The following VWA7 variants were observed in gnomAD, a reference collection of about 807,000 sequenced individuals.
VWA7 encodes von Willebrand factor A domain containing 7, also known as von Willebrand factor A domain-containing protein 7.
In VWA7, 66 loss-of-function variants were observed where a neutral mutation model predicts 83.1. The ratio of observed to expected loss-of-function variants is 0.79; its 90% CI spans 0.65 to 0.98. The LOEUF (loss-of-function observed/expected upper bound fraction) is 0.98. VWA7 is among the 50% of genes least tolerant of loss of function. The pLI is 0.00. For missense variants in VWA7, 1,080 were observed against 1,160.2 expected (o/e 0.93, Z 1.00); for synonymous variants, 424 against 488.5 (o/e 0.87, Z 1.74).
At position 31,766,255 on chromosome 6, in the gene VWA7, T is replaced by C. The variant is rs1458253149; in HGVS notation, c.2314A>G (p.Asn772Asp). The C allele has an allele frequency of 6.2e-7, 1 of 1,612,136 alleles. No individual in the cohort carries two copies. Among genetic ancestry groups the C allele is most frequent in the Non-Finnish European group, 8.5e-7 (1 of 1,179,916 alleles). ...GTTCATGAGCCTCACCTGGAGAGGT[T>C]GGAGGTGAGGGAGAAGCTGGGGTTG... ...FVNPSFSLTS[N>D]LSRAHLELNE... The change falls in exon 15 of 17, where the codon AAC becomes GAC. Residue 772 changes from asparagine to aspartate, a missense_variant. Physicochemically the swap from Asn to Asp is conservative, Grantham distance 23. Coordinates refer to ENST00000375688, the MANE Select transcript of VWA7 (RefSeq NM_025258.3). The surrounding 1 kb of genome is among the most constrained non-coding windows in gnomAD (Gnocchi z 4.9).
rs745602650 is a variant in VWA7 at position 31,776,537 on chromosome 6, G to A, written c.234+9C>T. On this transcript the variant is annotated intron_variant, in intron 2 of 16. Coordinates refer to ENST00000375688, the MANE Select transcript of VWA7 (RefSeq NM_025258.3). The surrounding 1 kb of genome is among the most constrained non-coding windows in gnomAD (Gnocchi z 6.2). ...TGGCAGGGGTGTGACAGGACCCTGG[G>A]ATGCTCACCAGGAAGTCCTCAAGAC... The A allele has an allele frequency of 1.3e-6, 2 of 1,541,350 alleles. No homozygotes were observed. Among genetic ancestry groups the A allele is most frequent in the South Asian group, 1.2e-5 (1 of 83,250 alleles).
In VWA7 at chr6:31,769,605, G is replaced by A; in HGVS notation, c.1317+70C>T. The A allele has an allele frequency of 7.1e-7, 1 of 1,408,816 alleles. No homozygotes were observed. The highest frequency in any genetic ancestry group is 1.0e-6 in the Non-Finnish European group (1 of 998,562). 87.3% of individuals were successfully genotyped at this position (1,408,816 alleles called of 1,614,324 possible). A position where few individuals can be genotyped will look rare whatever the true frequency, so the allele number is the denominator to read the frequency against. ...CATAGTGTGGTGCAACCCTCGTTAT[G>A]AGATTGTCATCACAGGGTCTCTCAC... is the stretch of plus-strand genomic sequence containing the variant. On this transcript the variant is annotated intron_variant, in intron 9 of 16. Coordinates refer to ENST00000375688, the MANE Select transcript of VWA7 (RefSeq NM_025258.3). The surrounding 1 kb of genome is among the most constrained non-coding windows in gnomAD (Gnocchi z 4.5).
intron 7 of VWA7, 75 bp from the exon 8 acceptor site, chr6:31,770,188 T>G: frequency 8.3e-7 from 1 of 1,197,830 alleles, no homozygotes; most frequent in Non-Finnish European, 1.2e-6. Flanking sequence ...ACCTCCCCAG[T>G]TGAGGGGCCT....
intron 7 of VWA7, among the ~76,000 whole-genome samples, chr6:31,772,489 C>T (rs1812270513): frequency 6.6e-6 from 1 of 150,984 alleles, no homozygotes; most frequent in Admixed American, 6.6e-5. Context: ...TAGAGGCTCA[C>T]TCGGGACTAC....
Position 31,770,043 on chromosome 6 carries a change from C to T in VWA7, c.1158G>A (p.Leu386=). The T allele has an allele frequency of 6.2e-7, 1 of 1,612,854 alleles. No individual in the cohort carries two copies. The highest frequency in any genetic ancestry group is 8.5e-7 in the Non-Finnish European group (1 of 1,179,988). ...ACATCTCAGGCTCGTCTCCACCCCC[C>T]AAGGCATGGATCTCATTAAGCTGTT... ...FWQQLNEIHA[L]GGGDEPEMCL... The change falls in exon 8 of 17, where the codon TTG becomes TTA. Residue 386 remains leucine (L), a synonymous_variant. Transcript: ENST00000375688.
rs922099693 is a variant in VWA7 at position 31,775,828 on chromosome 6, C to T, written c.513+136G>A. 115 of 1,394,118 alleles carry T rather than the reference C, an allele frequency of 8.2e-5. 1 individual carries two copies. The highest frequency in any genetic ancestry group is 1.5e-4 in the South Asian group (11 of 72,000). The allele number at this position is 1,394,118 out of a possible 1,614,324, so 86.4% of individuals were successfully genotyped here. A position where few individuals can be genotyped will look rare whatever the true frequency, so the allele number is the denominator to read the frequency against. ...GAGGTGGGGAACTGGGACACAGCCT[C>T]GGGGCACCGCGTGCCAGTGCCCACC... On this transcript the variant is annotated intron_variant, in intron 3 of 16. Transcript: ENST00000375688. The surrounding 1 kb of genome is among the most constrained non-coding windows in gnomAD (Gnocchi z 5.9).
Position 31,769,842 on chromosome 6 carries a change from G to C in VWA7, c.1201-51C>G. 1.9e-6 allele frequency: 3 copies of C among 1,559,490 alleles called. No homozygotes were observed. Among genetic ancestry groups the C allele is most frequent in the Non-Finnish European group, 2.7e-6 (3 of 1,131,820 alleles). On this transcript the variant is annotated intron_variant, in intron 8 of 16. Transcript: ENST00000375688. This position sits in a 1 kb window ranked among gnomAD's most constrained non-coding sequence, Gnocchi z 4.5. ...TTAACAATGGCAGTAGGAGGGGAAT[G>C]GGTAGAGCCACGGAGGATGAAGCAG...
rs1011019071 is a variant in VWA7, at chr6:31,775,885, G to A, written c.513+79C>T. On this transcript the variant is annotated intron_variant, in intron 3 of 16. Coordinates refer to ENST00000375688, the MANE Select transcript of VWA7 (RefSeq NM_025258.3). The surrounding 1 kb of genome is among the most constrained non-coding windows in gnomAD (Gnocchi z 5.9). Reference sequence around the variant, plus strand: ...AGAGTGGAGGAGACATGATCAAGAAGGCACCATAGGACGCGCTCCATCCCG... The same window carrying A: ...AGAGTGGAGGAGACATGATCAAGAAAGCACCATAGGACGCGCTCCATCCCG... The A allele has an allele frequency of 1.3e-5, 19 of 1,519,728 alleles. 1 individual carries two copies. The highest frequency in any genetic ancestry group is 5.0e-4 in the Middle Eastern group (2 of 4,026). The allele number at this position is 1,519,728 out of a possible 1,614,324, so 94.1% of individuals were successfully genotyped here.
rs551318892 is a variant in VWA7, at chr6:31,773,714, G to A, written c.722-277C>T. Among the ~76,000 whole-genome samples, 36 of 152,266 alleles carry A rather than the reference G, an allele frequency of 2.4e-4. No homozygotes were observed. The highest frequency in any genetic ancestry group is 6.8e-3 in the Middle Eastern group (2 of 294). On this transcript the variant is annotated intron_variant, in intron 5 of 16. Transcript: ENST00000375688. This position sits in a 1 kb window ranked among gnomAD's most constrained non-coding sequence, Gnocchi z 5.3. ...CTATAAAAATTAGCCAGGTGTGGTG[G>A]CGCGTGCTTGTAATCCCAGCTACTT...
chr6:31,767,968 TAA>T (rs34176746), intron 10 of VWA7, among the ~76,000 whole-genome samples: 26 of 141,120 alleles, frequency 1.8e-4, no homozygotes, highest in Admixed American at 7.1e-5. Context: ...ACATCTCTAC[TAA>T]AAAAAAAAAA....
chr6:31,774,707 TCTC>T lies in VWA7; in HGVS notation c.611-84_611-82del, dbSNP rs1041404603. ...CCCACCCACCCAAACCTTTTCAGCT[TCTC>T]CTCCCAGCTGGGATGAGGCGAACAC... is the stretch of plus-strand genomic sequence containing the variant. On this transcript the variant is annotated intron_variant, in intron 4 of 16. Transcript: ENST00000375688. The T allele has an allele frequency of 1.0e-5, 12 of 1,204,436 alleles. No individual in the cohort carries two copies. In the African/African-American group the frequency reaches 1.5e-4, roughly 15 times the overall value. The allele number at this position is 1,204,436 out of a possible 1,614,324, so 74.6% of individuals were successfully genotyped here. A position where few individuals can be genotyped will look rare whatever the true frequency, so the allele number is the denominator to read the frequency against.
In VWA7 at chr6:31,770,127, A is replaced by AG. The variant is rs754294052; in HGVS notation, c.1088-15dup. 1.2e-5 allele frequency: 20 copies of AG among 1,608,180 alleles called. No homozygotes were observed. The highest frequency in any genetic ancestry group is 1.7e-5 in the Non-Finnish European group (20 of 1,175,986). ...CAGGGCCGAACCCTGGGAAGGGGAA[A>AG]GGAGGTTAAGATAAGTGAGGAAAGA... On this transcript the variant is annotated splice_polypyrimidine_tract_variant and intron_variant, in intron 7 of 16. Coordinates refer to ENST00000375688, the MANE Select transcript of VWA7 (RefSeq NM_025258.3).
chr6:31,765,928 C>A lies in VWA7; in HGVS notation c.2454G>T (p.Pro818=). 3 of 1,613,098 alleles carry A rather than the reference C, an allele frequency of 1.9e-6. No homozygotes were observed. Among genetic ancestry groups the A allele is most frequent in the Non-Finnish European group, 2.5e-6 (3 of 1,180,034 alleles). The part of the protein sequence containing the change: ...AGGREANPVP[P]THAFLRLLVS... The stretch of plus-strand genomic sequence containing the variant: ...CCAGGAGCCGGAGGAAAGCATGAGT[C>A]GGGGGTACTGGGTTGGCTTCTCGTC... The change falls in exon 16 of 17, where the codon CCG becomes CCT. Residue 818 remains proline, a synonymous_variant. Coordinates refer to ENST00000375688, the MANE Select transcript of VWA7 (RefSeq NM_025258.3).
Position 31,775,938 on chromosome 6 carries a change from G to T in VWA7, c.513+26C>A. ...CAGGCACGGAAGTGAAGACCCCTCT[G>T]ACCATCAACCCAACCCTGTTCTCAC... On this transcript the variant is annotated intron_variant, in intron 3 of 16. Transcript: ENST00000375688. The surrounding 1 kb of genome is among the most constrained non-coding windows in gnomAD (Gnocchi z 5.9). 6.3e-7 allele frequency: 1 copy of T among 1,587,910 alleles called. No individual in the cohort carries two copies. The highest frequency in any genetic ancestry group is 1.1e-5 in the South Asian group (1 of 88,410).
intron 13 of VWA7, 36 bp downstream of exon 13, chr6:31,767,122 G>T: frequency 3.3e-6 from 2 of 603,838 alleles, no homozygotes; most frequent in Non-Finnish European, 5.5e-6. Flanking sequence ...ATAAAACTGG[G>T]GGTTAGGTGG....
chr6:31,766,235 T>C lies in VWA7; in HGVS notation c.2324+10A>G. 6.2e-7 allele frequency: 1 copy of C among 1,611,770 alleles called. No homozygotes were observed. Among genetic ancestry groups the C allele is most frequent in the Non-Finnish European group, 8.5e-7 (1 of 1,179,786 alleles). ...ATGCCAGAGGGAGCTGGAGGGTTCA[T>C]GAGCCTCACCTGGAGAGGTTGGAGG... is the stretch of plus-strand genomic sequence containing the variant. On this transcript the variant is annotated intron_variant, in intron 15 of 16. Transcript: ENST00000375688. This position sits in a 1 kb window ranked among gnomAD's most constrained non-coding sequence, Gnocchi z 4.9.
At position 31,767,621 on chromosome 6, in the gene VWA7, C is replaced by A; in HGVS notation, c.1636+1G>T. On this transcript the variant is annotated splice_donor_variant, in intron 11 of 16. Transcript: ENST00000375688. LOFTEE classifies it high-confidence loss of function. ...TCTCTTCCCTCTACCTTCAGAGGTA[C>A]CTGCAGGGTTCTTGATCCAGAAGCT... is the stretch of plus-strand genomic sequence containing the variant. 4 of 1,609,782 alleles carry A rather than the reference C, an allele frequency of 2.5e-6. No individual in the cohort carries two copies. Among genetic ancestry groups the A allele is most frequent in the Non-Finnish European group, 3.4e-6 (4 of 1,176,302 alleles).
Position 31,765,878 on chromosome 6 carries a change from C to T in VWA7, c.2499+5G>A. On this transcript the variant is annotated splice_donor_5th_base_variant and intron_variant, in intron 16 of 16. Coordinates refer to ENST00000375688, the MANE Select transcript of VWA7 (RefSeq NM_025258.3). ...ACCCTGTGATGGAAAGTAGTGGTTC[C>T]TCACCTGCGGGGCTGGGGCCGATAC... 6.2e-7 allele frequency: 1 copy of T among 1,612,970 alleles called. No individual in the cohort carries two copies. Among genetic ancestry groups the T allele is most frequent in the Non-Finnish European group, 8.5e-7 (1 of 1,179,940 alleles).
Position 31,770,003 on chromosome 6 carries a change from G to T in VWA7, c.1198C>A (p.Gln400Lys). Residue 400 changes from glutamine to lysine, a missense_variant and splice_region_variant, in exon 8 of 17, where the codon CAG becomes AAG. Gln to Lys is a moderately conservative substitution (Grantham distance 53). Coordinates refer to ENST00000375688, the MANE Select transcript of VWA7 (RefSeq NM_025258.3). ...DEPEMCLSALQLALLHTPPLS... is the reference protein window; with the variant it reads ...DEPEMCLSALKLALLHTPPLS... ...GGGGAAGAAGGGAGGGGCCAGACCTGCAGGGCTGACAGGCACATCTCAGGC... is the reference window on the plus strand; with the variant it reads ...GGGGAAGAAGGGAGGGGCCAGACCTTCAGGGCTGACAGGCACATCTCAGGC... 5 of 1,612,764 alleles carry T rather than the reference G, an allele frequency of 3.1e-6. No homozygotes were observed. Among genetic ancestry groups the T allele is most frequent in the Non-Finnish European group, 3.4e-6 (4 of 1,179,836 alleles).
Sources: allele counts gnomAD v4.1 joint callset (sites outside exome capture counted in the v4.1 genomes callset), GRCh38; gene constraint gnomAD v4.1.1; non-coding constraint Gnocchi (gnomAD v3.1); transcripts MANE v1.5; gene names NCBI Gene and HGNC (gene_info 2026-07-23, HGNC 2026-07-21).